AXIN1: variants seen among roughly 807,000 people sequenced by gnomAD.
AXIN1 encodes the protein axin 1, also known as axin-1.
In AXIN1, 30 loss-of-function variants were observed where a neutral mutation model predicts 76.4. That is an observed-to-expected ratio of 0.39 (90% CI 0.29 to 0.53). AXIN1 has a LOEUF of 0.53. AXIN1 is among the 20% of genes least tolerant of loss of function. AXIN1 has a pLI of 0.66. For missense variants in AXIN1, 1,140 were observed against 1,198.8 expected (o/e 0.95, Z 0.72); for synonymous variants, 545 against 501.4 (o/e 1.09, Z -1.16).
In AXIN1 at chr16:297,197, T is replaced by C. The variant is rs2141503983; in HGVS notation, c.1814A>G (p.Asn605Ser). The C allele has an allele frequency of 6.2e-7, 1 of 1,609,258 alleles. No homozygotes were observed. Among genetic ancestry groups the C allele is most frequent in the Middle Eastern group, 1.6e-4 (1 of 6,062 alleles). ...CTTCCCCGACTCAGCCTTCTTGGCA[T>C]TTCTTTTGCACGCCACGCCCACCTT... ...SGKVGVACKR[N>S]AKKAESGKSA... Residue 605 changes from asparagine to serine, a missense_variant, in exon 7 of 11, where the codon AAT (asparagine) becomes AGT (serine). Asn to Ser is a conservative substitution (Grantham distance 46). This residue lies in a region of AXIN1 where 429 missense variants were observed against 405.8 expected (regional missense o/e 1.06). Transcript: ENST00000262320.
rs1567256688 is a variant in AXIN1, at chr16:289,556, G to T, written c.2346C>A (p.Ser782Arg). 1.9e-6 allele frequency: 3 copies of T among 1,613,002 alleles called. No individual in the cohort carries two copies. Among genetic ancestry groups the T allele is most frequent in the Admixed American group, 3.3e-5 (2 of 60,002 alleles). ...VGGGSAQPCDSIVVAYYFCGE... is the reference protein window; with the variant it reads ...VGGGSAQPCDRIVVAYYFCGE... Reference sequence around the variant, plus strand: ...CGCAGAAGTAGTACGCCACAACGATGCTGTCACACGGCTGGGCACTCCCGC... The same window carrying T: ...CGCAGAAGTAGTACGCCACAACGATTCTGTCACACGGCTGGGCACTCCCGC... The change falls in exon 10 of 11, where the codon AGC (serine) becomes AGA (arginine). Residue 782 changes from serine (S) to arginine (R), a missense_variant. Ser to Arg is a moderately radical substitution (Grantham distance 110, BLOSUM62 -1). This residue lies in a region of AXIN1 where 429 missense variants were observed against 405.8 expected (regional missense o/e 1.06). Coordinates refer to ENST00000262320, the MANE Select transcript of AXIN1 (RefSeq NM_003502.4).
chr16:321,198 C>T (rs76181712), intron 2 of AXIN1, among the ~76,000 whole-genome samples: 2,248 of 141,756 alleles, frequency 0.016, 62 homozygotes, highest in African/African-American at 0.058. Context: ...GCTCTGGGCC[C>T]GCTGCTCTCT....
chr16:350,571 A>G (rs2054122584), intron 1 of AXIN1, among the ~76,000 whole-genome samples: 1 of 151,860 alleles, frequency 6.6e-6, no homozygotes, highest in Admixed American at 6.6e-5. Context: ...TGACATTTTG[A>G]TTTACATGGA....
intron 2 of AXIN1, among the ~76,000 whole-genome samples, chr16:328,339 G>A (rs879640802): frequency 1.1e-4 from 17 of 152,126 alleles, no homozygotes; most frequent in Admixed American, 1.1e-3. Flanking sequence ...GCTGCAGTGA[G>A]CCATGATCAT....
chr16:350,276 C>A (rs2054115504), intron 1 of AXIN1, among the ~76,000 whole-genome samples: 1 of 152,164 alleles, frequency 6.6e-6, no homozygotes, highest in African/African-American at 2.4e-5. Context: ...TGGGTTCCCA[C>A]AGGGAAGCAC....
Position 291,266 on chromosome 16 carries a change from C to G in AXIN1, c.2218G>C (p.Ala740Pro), listed in dbSNP as rs537096728. ...YVQEVMRRGR[A>P]CVRPACAPVL... The stretch of plus-strand genomic sequence containing the variant: ...GGCGCGCACGCTGGCCTGACGCAGG[C>G]GCGTCCCCGCCGCATAACCTCCTGC... The change falls in exon 9 of 11, where the codon GCC (alanine) becomes CCC (proline). Residue 740 changes from alanine to proline, a missense_variant. By Grantham distance (27) the Ala-to-Pro change is conservative. Coordinates refer to ENST00000262320, the MANE Select transcript of AXIN1 (RefSeq NM_003502.4). 6.3e-7 allele frequency: 1 copy of G among 1,580,064 alleles called. No homozygotes were observed. The highest frequency in any genetic ancestry group is 2.3e-5 in the East Asian group (1 of 43,596).
rs566996885 is a variant in AXIN1 at position 298,322 on chromosome 16, G to C, written c.1255-71C>G. ...CACTTGGGGAAAACAAAAAGCATCA[G>C]GCCTGACCCAGCAGCCCCAGCAGAT... On this transcript the variant is annotated intron_variant, in intron 5 of 10. Transcript: ENST00000262320. 23 of 1,533,308 alleles carry C rather than the reference G, an allele frequency of 1.5e-5. No individual in the cohort carries two copies. In the East Asian group the frequency reaches 5.4e-4, roughly 36 times the overall value. The allele number at this position is 1,533,308 out of a possible 1,614,324, so 95.0% of individuals were successfully genotyped here.
intron 2 of AXIN1, among the ~76,000 whole-genome samples, chr16:341,001 G>A (rs1190329136): frequency 6.6e-6 from 1 of 152,254 alleles, no homozygotes; most frequent in Non-Finnish European, 1.5e-5. Context: ...CAGAGATGCA[G>A]GCAAAGTAGC....
In AXIN1 at chr16:289,565, C is replaced by A. The variant is rs763721478; in HGVS notation, c.2337G>T (p.Pro779=). The change falls in exon 10 of 11, where the codon CCG becomes CCT. Residue 779 remains proline, a synonymous_variant. Coordinates refer to ENST00000262320, the MANE Select transcript of AXIN1 (RefSeq NM_003502.4). ...AGTACGCCACAACGATGCTGTCACA[C>A]GGCTGGGCACTCCCGCCGCCCACCT... ...QRKVGGGSAQ[P]CDSIVVAYYF... 19 of 1,612,868 alleles carry A rather than the reference C, an allele frequency of 1.2e-5. No individual in the cohort carries two copies. Among genetic ancestry groups the A allele is most frequent in the African/African-American group, 6.7e-5 (5 of 74,940 alleles).
chr16:289,659 G>A, intron 9 of AXIN1, 52 bp from the exon 10 acceptor site: 1 of 1,605,788 alleles, frequency 6.2e-7, no homozygotes, highest in Non-Finnish European at 8.5e-7. Flanking sequence ...AGGTCCCACA[G>A]GGTCCCTCCT....
In AXIN1 at chr16:352,578, ACCCGCCCGCTCCGCGTGGACGCGGCT is replaced by A. The variant is rs1315655664; in HGVS notation, c.-317_-292del. ...CGCAGGGGCCCAGCCGCCAGCTCCC[ACCCGCCCGCTCCGCGTGGACGCGGCT>A]CCGGGCCGACTCCGGCCGGCTCTGG... On this transcript the variant is annotated 5_prime_UTR_variant, in exon 1 of 11. Transcript: ENST00000262320. The A allele has an allele frequency of 3.0e-5, 6 of 201,510 alleles. No homozygotes were observed. The highest frequency in any genetic ancestry group is 5.1e-5 in the Non-Finnish European group (6 of 116,866). The allele number at this position is 201,510 out of a possible 1,614,324, so 12.5% of individuals were successfully genotyped here. A position where few individuals can be genotyped will look rare whatever the true frequency, so the allele number is the denominator to read the frequency against.
intron 1 of AXIN1, among the ~76,000 whole-genome samples, chr16:349,857 G>A (rs948318965): frequency 1.3e-5 from 2 of 152,208 alleles, no homozygotes; most frequent in Non-Finnish European, 2.9e-5. Flanking sequence ...GGACTGCAGT[G>A]GGGCGATCTC....
chr16:334,539 A>G (rs11646858), intron 2 of AXIN1, among the ~76,000 whole-genome samples: 51,704 of 116,474 alleles, frequency 0.44, 8,158 homozygotes, highest in South Asian at 0.62. Context: ...CCAGTACCAC[A>G]GCATGCCAAT....
chr16:347,168 G>A, intron 1 of AXIN1, 62 bp from the exon 2 acceptor site: 1 of 1,453,864 alleles, frequency 6.9e-7, no homozygotes, highest in African/African-American at 1.4e-5. Context: ...ACGACCAGAG[G>A]TTTTCTCAAG....
At chr16:306,609 G>A (rs2053033784) in intron 4 of AXIN1, among the ~76,000 whole-genome samples, 1 of 152,188 alleles carries the variant, frequency 6.6e-6, no homozygotes, top group Non-Finnish European at 1.5e-5. Flanking sequence ...TGGACACAGG[G>A]GCCACACAAA....
intron 7 of AXIN1, among the ~76,000 whole-genome samples, chr16:295,497 G>T (rs557037790): frequency 6.6e-6 from 1 of 151,878 alleles, no homozygotes; most frequent in South Asian, 2.1e-4. Flanking sequence ...TGCAGTGAAC[G>T]GTGTGATTAC....
intron 2 of AXIN1, among the ~76,000 whole-genome samples, chr16:330,567 T>A (rs377593329): frequency 2.2e-3 from 336 of 152,310 alleles, no homozygotes; most frequent in African/African-American, 7.8e-3. Flanking sequence ...GTGCATTGAA[T>A]TCAGTTTTGT....
At chr16:342,363 G>C (rs939232681) in intron 2 of AXIN1, among the ~76,000 whole-genome samples, 6 of 152,162 alleles carry the variant, frequency 3.9e-5, no homozygotes, top group Non-Finnish European at 7.3e-5. Context: ...AAGTCAGTGA[G>C]ACCAAGAACC....
intron 5 of AXIN1, among the ~76,000 whole-genome samples, chr16:303,238 G>A (rs1053591009): frequency 6.6e-5 from 10 of 152,288 alleles, no homozygotes; most frequent in Admixed American, 4.6e-4. Context: ...TGCGCACTGG[G>A]AGGAGCGCAC....
Sources: allele counts gnomAD v4.1 joint callset (sites outside exome capture counted in the v4.1 genomes callset), GRCh38; gene constraint gnomAD v4.1.1; regional missense constraint gnomAD v4.1.1; transcripts MANE v1.5; gene names NCBI Gene and HGNC (gene_info 2026-07-23, HGNC 2026-07-21).